CSNK1G2: variants seen among roughly 807,000 people sequenced by gnomAD.
CSNK1G2 encodes casein kinase 1 gamma 2.
CSNK1G2 carries 11 observed loss-of-function variants against 48.0 expected under a neutral mutation model. That is an observed-to-expected ratio of 0.23 (90% CI 0.14 to 0.38). The LOEUF (loss-of-function observed/expected upper bound fraction) is 0.38, where lower values mean the gene tolerates loss of function less well. Ranked by LOEUF, CSNK1G2 falls within the 10% of genes least tolerant of loss-of-function variation. The pLI is 1.00. For missense variants in CSNK1G2, 446 were observed against 595.5 expected (o/e 0.75, Z 2.61); for synonymous variants, 337 against 254.1 (o/e 1.33, Z -3.10).
chr19:1,959,976 A>C (rs2015144849), intron 1 of CSNK1G2, among the ~76,000 whole-genome samples: 1 of 152,086 alleles, frequency 6.6e-6, no homozygotes, highest in African/African-American at 2.4e-5. Flanking sequence ...GTCCTCCTGC[A>C]GGACTCTCGG....
At chr19:1,952,991 G>C (rs1189248209) in intron 1 of CSNK1G2, 1 of 432,758 alleles carries the variant, frequency 2.3e-6, no homozygotes, top group East Asian at 8.1e-5. Context: ...CTCCAGTCTG[G>C]GTGGCAGAGC....
intron 1 of CSNK1G2, among the ~76,000 whole-genome samples, chr19:1,964,444 C>T (rs941546106): frequency 5.3e-5 from 8 of 152,210 alleles, no homozygotes; most frequent in Admixed American, 5.2e-4. Flanking sequence ...AAGATGCCAC[C>T]CAGGACTTTC....
chr19:1,953,902 G>A (rs753762990), intron 1 of CSNK1G2: 4 of 534,100 alleles, frequency 7.5e-6, no homozygotes, highest in Admixed American at 1.9e-5. Context: ...CTCAGAGGCC[G>A]GCTGTCCTCG....
rs56213557 is a variant in CSNK1G2 at position 1,969,808 on chromosome 19, G to A, written c.36G>A (p.Thr12=). The change falls in exon 2 of 12, where the codon ACG becomes ACA. Residue 12 remains threonine (T), a synonymous_variant. Coordinates refer to ENST00000255641, the MANE Select transcript of CSNK1G2 (RefSeq NM_001319.7). The part of the protein sequence containing the change: ...DFDKKGGKGE[T]EEGRRMSKAG... ...ACAAGAAAGGAGGGAAAGGGGAGAC[G>A]GAGGAGGGCCGGAGAATGTCCAAGG... 8.7e-5 allele frequency: 114 copies of A among 1,309,856 alleles called. No individual in the cohort carries two copies. Among genetic ancestry groups the A allele is most frequent in the Non-Finnish European group, 1.0e-4 (102 of 1,020,746 alleles). The allele number at this position is 1,309,856 out of a possible 1,614,324, so 81.1% of individuals were successfully genotyped here.
rs1419407722 is a variant in CSNK1G2 at position 1,953,480 on chromosome 19, T to G, written c.-266+12062T>G. 3 of 534,162 alleles carry G rather than the reference T, an allele frequency of 5.6e-6. No individual in the cohort carries two copies. In the Admixed American group the frequency reaches 5.8e-5, roughly 10 times the overall value. 33.1% of individuals were successfully genotyped at this position (534,162 alleles called of 1,614,324 possible). ...ATGGCGTCTGAGGCTCTGGAGTCCA[T>G]GGCAGCCTTGCCTCCGTTTGCATAA... is the stretch of plus-strand genomic sequence containing the variant. On this transcript the variant is annotated intron_variant, in intron 1 of 11. Coordinates refer to ENST00000255641, the MANE Select transcript of CSNK1G2 (RefSeq NM_001319.7).
chr19:1,976,405 G>GT (rs1259129165), intron 2 of CSNK1G2, among the ~76,000 whole-genome samples: 2 of 152,222 alleles, frequency 1.3e-5, no homozygotes, highest in African/African-American at 2.4e-5. Context: ...ATGCCACGTT[G>GT]TTGAGGCTGT....
At chr19:1,966,225 C>T (rs1357723138) in intron 1 of CSNK1G2, among the ~76,000 whole-genome samples, 4 of 152,190 alleles carry the variant, frequency 2.6e-5, no homozygotes, top group Non-Finnish European at 5.9e-5. Context: ...CTTTGCCGTT[C>T]TAGAGGCTGT....
Position 1,970,512 on chromosome 19 carries a change from G to A in CSNK1G2, c.187+553G>A, listed in dbSNP as rs80039353. 8.3e-4 allele frequency among the ~76,000 whole-genome samples: 127 copies of A among 152,322 alleles called. 2 individuals are homozygous for A. In the East Asian group the frequency reaches 0.021, roughly 26 times the overall value. Reference sequence around the variant, plus strand: ...CTCCCGGGTCGGGGTCTGATTGCCCGGGCAGGCGTGAGGAGCAGGGCCGAG... The same window carrying A: ...CTCCCGGGTCGGGGTCTGATTGCCCAGGCAGGCGTGAGGAGCAGGGCCGAG... On this transcript the variant is annotated intron_variant, in intron 2 of 11. Coordinates refer to ENST00000255641, the MANE Select transcript of CSNK1G2 (RefSeq NM_001319.7).
intron 1 of CSNK1G2, among the ~76,000 whole-genome samples, chr19:1,962,231 C>T (rs1346248625): frequency 2.7e-5 from 4 of 150,744 alleles, no homozygotes; most frequent in African/African-American, 5.0e-5. Flanking sequence ...ACTCGGGAGG[C>T]TGAGGCAGAG....
chr19:1,966,825 C>T (rs1321536321), intron 1 of CSNK1G2, among the ~76,000 whole-genome samples: 1 of 152,138 alleles, frequency 6.6e-6, no homozygotes, highest in Non-Finnish European at 1.5e-5. Flanking sequence ...AGGGCCACTC[C>T]CGGTTCCCAT....
At position 1,941,232 on chromosome 19, in the gene CSNK1G2, C is replaced by G. The variant is rs190618242; in HGVS notation, c.-452C>G. 6.8e-6 allele frequency: 1 copy of G among 146,284 alleles called. No homozygotes were observed. Among genetic ancestry groups the G allele is most frequent in the Non-Finnish European group, 1.5e-5 (1 of 65,846 alleles). 9.1% of individuals were successfully genotyped at this position (146,284 alleles called of 1,614,324 possible). A position where few individuals can be genotyped will look rare whatever the true frequency, so the allele number is the denominator to read the frequency against. ...CGGGCGCGGCGGAGCGCGGCGAGCC[C>G]GGCGCCTCCCGTCCCGAACATGCGG... On this transcript the variant is annotated 5_prime_UTR_variant, in exon 1 of 12. Transcript: ENST00000255641.
intron 1 of CSNK1G2, among the ~76,000 whole-genome samples, chr19:1,943,640 G>A (rs752150782): frequency 6.6e-6 from 1 of 151,952 alleles, no homozygotes; most frequent in African/African-American, 2.4e-5. Context: ...TGTGTCTTTT[G>A]GAACTGGTGG....
rs182594263 is a variant in CSNK1G2, at chr19:1,949,612, T to C, written c.-266+8194T>C. ...TCCGGTTCCCGTGTGGCTGCGTGAT[T>C]CTTCTGTCAGGTGGACTTCTAGCGG... is the stretch of plus-strand genomic sequence containing the variant. On this transcript the variant is annotated intron_variant, in intron 1 of 11. Transcript: ENST00000255641. Among the ~76,000 whole-genome samples, 13 of 152,362 alleles carry C rather than the reference T, an allele frequency of 8.5e-5. No homozygotes were observed. In the East Asian group the frequency reaches 2.5e-3, roughly 29 times the overall value.
In CSNK1G2 at chr19:1,978,396, C is replaced by T; in HGVS notation, c.229-46C>T. ...CCGCTGACGTGCCCCCCAGGGATTTCAGGGCAGCGACCCGGTCCCCTGGTG... is the reference window on the plus strand; with the variant it reads ...CCGCTGACGTGCCCCCCAGGGATTTTAGGGCAGCGACCCGGTCCCCTGGTG... On this transcript the variant is annotated intron_variant, in intron 3 of 11. Transcript: ENST00000255641. This position sits in a 1 kb window ranked among gnomAD's most constrained non-coding sequence, Gnocchi z 7.3. 3 of 1,610,756 alleles carry T rather than the reference C, an allele frequency of 1.9e-6. No homozygotes were observed. Among genetic ancestry groups the T allele is most frequent in the Non-Finnish European group, 1.7e-6 (2 of 1,178,042 alleles).
chr19:1,949,845 G>C (rs1467646356), intron 1 of CSNK1G2, among the ~76,000 whole-genome samples: 1 of 152,244 alleles, frequency 6.6e-6, no homozygotes, highest in Non-Finnish European at 1.5e-5. Context: ...GGACCCTGCT[G>C]TCCTGATCCC....
chr19:1,963,601 A>G (rs946388020), intron 1 of CSNK1G2, among the ~76,000 whole-genome samples: 2 of 136,566 alleles, frequency 1.5e-5, no homozygotes, highest in Non-Finnish European at 3.2e-5. Context: ...TTCGCCTTGC[A>G]GGTTCAAGCG....
intron 1 of CSNK1G2, among the ~76,000 whole-genome samples, chr19:1,967,942 C>A (rs552677007): frequency 1.9e-4 from 4 of 21,198 alleles, no homozygotes; most frequent in East Asian, 3.4e-3. Context: ...AGGCTGCCCC[C>A]GACCACCCTT....
chr19:1,962,503 C>CAA (rs761164479), intron 1 of CSNK1G2, among the ~76,000 whole-genome samples: 2 of 120,630 alleles, frequency 1.7e-5, no homozygotes. Context: ...CCCATCTCTA[C>CAA]AAAAAAAAAA....
chr19:1,951,837 C>T (rs574600385), intron 1 of CSNK1G2, among the ~76,000 whole-genome samples: 2 of 151,388 alleles, frequency 1.3e-5, no homozygotes, highest in South Asian at 2.1e-4. Flanking sequence ...CCCGCCACCA[C>T]AGCTGGCTAA....
Sources: allele counts gnomAD v4.1 joint callset (sites outside exome capture counted in the v4.1 genomes callset), GRCh38; gene constraint gnomAD v4.1.1; non-coding constraint Gnocchi (gnomAD v3.1); transcripts MANE v1.5; gene names NCBI Gene and HGNC (gene_info 2026-07-23, HGNC 2026-07-21).